The following KALRN variants were observed in gnomAD, a reference collection of about 807,000 sequenced individuals.
The protein encoded by KALRN is kalirin.
KALRN carries 70 observed loss-of-function variants against 353.7 expected under a neutral mutation model. That is an observed-to-expected ratio of 0.20 (90% CI 0.16 to 0.24). The LOEUF is 0.24. Ranked by LOEUF, KALRN falls within the 10% of genes least tolerant of loss-of-function variation. The probability of loss-of-function intolerance (pLI) is 1.00; values close to 1 mark genes in which losing one functional copy is unlikely to be tolerated. For synonymous variants in KALRN, 1,391 were observed against 1,434.8 expected, an observed-to-expected ratio of 0.97 and a Z score of 0.69; for missense variants, 2,791 against 3,756.7, an observed-to-expected ratio of 0.74 and a Z score of 6.72.
chr3:124,145,977 T>C (rs1391917020), intron 1 of KALRN, among the ~76,000 whole-genome samples: 2 of 152,138 alleles, frequency 1.3e-5, no homozygotes. Flanking sequence ...CATGGAAAGG[T>C]AAAAGTAAAT....
rs2084526432 is a variant in KALRN at position 124,659,407 on chromosome 3, T to C, written c.6166T>C (p.Phe2056Leu). Residue 2056 changes from phenylalanine (F) to leucine (L), a missense_variant, in exon 43 of 60, where the codon TTC (phenylalanine) becomes CTC (leucine). Phe to Leu is a conservative substitution (Grantham distance 22). Coordinates refer to ENST00000682506, the MANE Select transcript of KALRN (RefSeq NM_001388419.1). ...AAATCAGAGGCTGACACTGAGTGACTTCCTCATCAAGCCCATTCAGAGAAT... is the reference window on the plus strand; with the variant it reads ...AAATCAGAGGCTGACACTGAGTGACCTCCTCATCAAGCCCATTCAGAGAAT... ...EINQRLTLSD[F>L]LIKPIQRITK... 6.2e-7 allele frequency: 1 copy of C among 1,613,806 alleles called. No individual in the cohort carries two copies. Among genetic ancestry groups the C allele is most frequent in the Non-Finnish European group, 8.5e-7 (1 of 1,179,800 alleles).
intron 4 of KALRN, chr3:124,268,500 C>T (rs2073823039): frequency 1.1e-5 from 6 of 538,208 alleles, no homozygotes; most frequent in Non-Finnish European, 2.0e-5. Context: ...AGCAGTTCTT[C>T]TGGGGTGGTA....
In KALRN at chr3:124,033,440, C is replaced by T. The variant is rs1050824005; in HGVS notation, c.-301C>T. 5.3e-5 allele frequency among the ~76,000 whole-genome samples: 8 copies of T among 151,532 alleles called. No homozygotes were observed. The highest frequency in any genetic ancestry group is 1.9e-4 in the African/African-American group (8 of 41,258). ...TGGGGGACAGCGGGCGCCCAGGCAGCCCGCACCCCGGCCCCGGGCCCCGGC... is the reference window on the plus strand; with the variant it reads ...TGGGGGACAGCGGGCGCCCAGGCAGTCCGCACCCCGGCCCCGGGCCCCGGC... On this transcript the variant is annotated 5_prime_UTR_variant, in exon 1 of 60. Coordinates refer to ENST00000682506, the MANE Select transcript of KALRN (RefSeq NM_001388419.1). The surrounding 1 kb of genome is among the most constrained non-coding windows in gnomAD (Gnocchi z 6.2).
chr3:124,583,776 C>A (rs907402884), intron 34 of KALRN, among the ~76,000 whole-genome samples: 3 of 152,194 alleles, frequency 2.0e-5, no homozygotes, highest in African/African-American at 7.2e-5. Flanking sequence ...ACATCAGCAT[C>A]ACCTGGGAAC....
chr3:124,262,565 T>C lies in KALRN; in HGVS notation c.264-1933T>C, dbSNP rs773319173. ...AACTCCTTTCCTTTGGGATGCAGGATTGGGGAGAATACTCATCCTTTCTCT... is the reference window on the plus strand; with the variant it reads ...AACTCCTTTCCTTTGGGATGCAGGACTGGGGAGAATACTCATCCTTTCTCT... On this transcript the variant is annotated intron_variant, in intron 3 of 59. Coordinates refer to ENST00000682506, the MANE Select transcript of KALRN (RefSeq NM_001388419.1). Among the ~76,000 whole-genome samples, 9 of 152,248 alleles carry C rather than the reference T, an allele frequency of 5.9e-5. No homozygotes were observed. The South Asian group carries it at 1.0e-3, about 18-fold the overall frequency.
At chr3:124,206,246 T>A (rs1176518698) in intron 1 of KALRN, among the ~76,000 whole-genome samples, 1 of 152,190 alleles carries the variant, frequency 6.6e-6, no homozygotes, top group Non-Finnish European at 1.5e-5. Context: ...GTAGCTTTGC[T>A]CATAGGGCCT....
At chr3:124,601,899 A>G (rs954423538) in intron 34 of KALRN, among the ~76,000 whole-genome samples, 2 of 151,844 alleles carry the variant, frequency 1.3e-5, no homozygotes, top group East Asian at 3.9e-4. Context: ...GGTGGCACCC[A>G]CCTGTAGTCC....
intron 25 of KALRN, among the ~76,000 whole-genome samples, 199 bp downstream of exon 25, chr3:124,462,832 T>C (rs1437286492): frequency 1.3e-5 from 2 of 152,216 alleles, no homozygotes. Flanking sequence ...AAGTCAAGTA[T>C]TCAGCAGTGC....
At position 124,632,516 on chromosome 3, in the gene KALRN, C is replaced by T. The variant is rs145875180; in HGVS notation, c.5279C>T (p.Pro1760Leu). ...TCCCTGAACTCCATCCACAGTTCCC[C>T]GGGTCCCAAGCGCTCCACCAACACT... ...QPSLNSIHSSPGPKRSTNTLK... is the reference protein window; with the variant it reads ...QPSLNSIHSSLGPKRSTNTLK... Residue 1760 changes from proline (P) to leucine (L), a missense_variant, in exon 35 of 60, where the codon CCG becomes CTG. Transcript: ENST00000682506. 198 of 1,614,210 alleles carry T rather than the reference C, an allele frequency of 1.2e-4. No homozygotes were observed. The highest frequency in any genetic ancestry group is 1.6e-4 in the Middle Eastern group (1 of 6,062).
intron 1 of KALRN, among the ~76,000 whole-genome samples, chr3:124,126,533 A>G (rs1578344221): frequency 6.6e-6 from 1 of 152,186 alleles, no homozygotes; most frequent in South Asian, 2.1e-4. Flanking sequence ...ATTTGCCTCC[A>G]TGTTTTAAAT....
At chr3:124,226,963 A>T (rs74383190) in intron 1 of KALRN, among the ~76,000 whole-genome samples, 2,542 of 152,124 alleles carry the variant, frequency 0.017, 58 homozygotes, top group African/African-American at 0.058. Context: ...CATAACAGAG[A>T]CCCCAGTTAT....
chr3:124,415,308 C>T (rs1576733469), intron 14 of KALRN, among the ~76,000 whole-genome samples: 1 of 152,230 alleles, frequency 6.6e-6, no homozygotes, highest in Non-Finnish European at 1.5e-5. Flanking sequence ...TCGGGTGATT[C>T]AACTGTGTGG....
intron 39 of KALRN, among the ~76,000 whole-genome samples, chr3:124,656,082 G>GGTAA (rs2083985950): frequency 6.6e-6 from 1 of 152,106 alleles, no homozygotes; most frequent in East Asian, 1.9e-4. Flanking sequence ...AGATTTCAAG[G>GGTAA]GTAAGTGTTA....
chr3:124,406,348 G>A (rs190043453), intron 13 of KALRN, among the ~76,000 whole-genome samples: 4 of 152,260 alleles, frequency 2.6e-5, no homozygotes, highest in African/African-American at 9.6e-5. Context: ...CATTATATTG[G>A]ACAAGAAGAG....
chr3:124,579,656 C>G (rs920556706), intron 34 of KALRN, among the ~76,000 whole-genome samples: 3 of 152,072 alleles, frequency 2.0e-5, no homozygotes, highest in African/African-American at 7.2e-5. Context: ...AAACCTACCT[C>G]TCTCTCTCAT....
chr3:124,244,732 TGTAA>T (rs1372737286), intron 3 of KALRN, among the ~76,000 whole-genome samples: 1 of 152,238 alleles, frequency 6.6e-6, no homozygotes, highest in Non-Finnish European at 1.5e-5. Flanking sequence ...AGTTCAGTGT[TGTAA>T]GTAACCCTCA....
At chr3:124,356,062 A>C (rs1055435434) in intron 10 of KALRN, among the ~76,000 whole-genome samples, 4 of 151,874 alleles carry the variant, frequency 2.6e-5, no homozygotes, top group Non-Finnish European at 5.9e-5. Flanking sequence ...CACCAAGAAC[A>C]GCTTCTCTGA....
intron 34 of KALRN, among the ~76,000 whole-genome samples, chr3:124,629,822 C>G (rs1412285709): frequency 1.3e-5 from 2 of 151,104 alleles, no homozygotes; most frequent in Non-Finnish European, 2.9e-5. Flanking sequence ...CTGTCTCTCT[C>G]TCTCTCTGCT....
At position 124,398,812 on chromosome 3, in the gene KALRN, C is replaced by T. The variant is rs745673540; in HGVS notation, c.2287C>T (p.Arg763Trp). ...GCAGATGGAGGAGCTGTTCCACGAGCGGAAGATCAAGCTGGACATCTTCCT... is the reference window on the plus strand; with the variant it reads ...GCAGATGGAGGAGCTGTTCCACGAGTGGAAGATCAAGCTGGACATCTTCCT... Reference protein sequence around the residue: ...QVQMEELFHERKIKLDIFLQL... With the variant: ...QVQMEELFHEWKIKLDIFLQL... Residue 763 changes from arginine to tryptophan, a missense_variant, in exon 13 of 60, where the codon CGG (arginine) becomes TGG (tryptophan). By Grantham distance (101) the Arg-to-Trp change is moderately radical. This residue lies in a region of KALRN where 452 missense variants were observed against 575.8 expected (regional missense o/e 0.78). Coordinates refer to ENST00000682506, the MANE Select transcript of KALRN (RefSeq NM_001388419.1). The T allele has an allele frequency of 2.2e-5, 35 of 1,613,926 alleles. No homozygotes were observed. Among genetic ancestry groups the T allele is most frequent in the Non-Finnish European group, 2.7e-5 (32 of 1,180,000 alleles).
Sources: gnomAD v4.1 joint callset for allele counts (sites outside exome capture counted in the v4.1 genomes callset) on GRCh38, gnomAD v4.1.1 for gene constraint, gnomAD v4.1.1 regional missense constraint, Gnocchi (gnomAD v3.1) non-coding constraint, MANE v1.5 for transcripts, NCBI Gene and HGNC (gene_info 2026-07-23, HGNC 2026-07-21) for gene names.